Variants in BRD10 observed in about 807,000 individuals in gnomAD.
BRD10 encodes the protein uncharacterized bromodomain-containing protein 10.
the BRD10 span, chr9:5,988,544 G>C: frequency 3.1e-6 from 5 of 1,610,788 alleles, no homozygotes; most frequent in South Asian, 1.1e-5. Flanking sequence ...TCTCTCAAGT[G>C]CCTTGGAGAA....
chr9:5,903,062 C>A, the BRD10 span, among the ~76,000 whole-genome samples: 5 of 152,108 alleles, frequency 3.3e-5, no homozygotes, highest in South Asian at 4.1e-4. Context: ...TTAAATTTCT[C>A]CTGAGATTTC....
chr9:5,928,376 A>C, the BRD10 span, among the ~76,000 whole-genome samples: 2 of 152,122 alleles, frequency 1.3e-5, no homozygotes, highest in African/African-American at 4.8e-5. Flanking sequence ...GATTGCTTTA[A>C]AACATAAATC....
chr9:5,971,293 G>A, the BRD10 span, among the ~76,000 whole-genome samples: 1 of 152,110 alleles, frequency 6.6e-6, no homozygotes, highest in Non-Finnish European at 1.5e-5. Context: ...GAAGAAACTA[G>A]AAACCTCATA....
At chr9:5,949,981 C>G in the BRD10 span, among the ~76,000 whole-genome samples, 1 of 152,078 alleles carries the variant, frequency 6.6e-6, no homozygotes, top group Admixed American at 6.6e-5. Context: ...GATATAAAAG[C>G]TTAAATCACC....
At chr9:6,008,170 G>A in the BRD10 span, 2 of 974,050 alleles carry the variant, frequency 2.1e-6, no homozygotes, top group South Asian at 4.7e-5. Context: ...GCCAGCGGGG[G>A]GCTGGGAGGG....
the BRD10 span, among the ~76,000 whole-genome samples, chr9:5,938,274 C>G: frequency 3.3e-5 from 5 of 152,028 alleles, no homozygotes; most frequent in African/African-American, 9.7e-5. Context: ...GACCTTATCT[C>G]TTCCAAAAGA....
At chr9:5,976,123 G>T in the BRD10 span, among the ~76,000 whole-genome samples, 10 of 152,286 alleles carry the variant, frequency 6.6e-5, no homozygotes, top group African/African-American at 2.2e-4. Flanking sequence ...TGGGCTTGAA[G>T]TTCAGCTGGG....
chr9:5,920,088 A>G, the BRD10 span: 3 of 1,613,918 alleles, frequency 1.9e-6, no homozygotes, highest in Admixed American at 1.7e-5. Context: ...GCATTCCCAA[A>G]AGAGTTTATA....
At chr9:5,920,310 G>T in the BRD10 span, 4 of 1,613,940 alleles carry the variant, frequency 2.5e-6, no homozygotes, top group Non-Finnish European at 3.4e-6. Flanking sequence ...ACAATAAACC[G>T]GGTTCCGTTA....
chr9:5,957,564 G>C, the BRD10 span, among the ~76,000 whole-genome samples: 691 of 152,144 alleles, frequency 4.5e-3, 24 homozygotes, highest in Admixed American at 0.036. Flanking sequence ...GTGAAATTAG[G>C]TCTGTCTCAC....
the BRD10 span, chr9:5,944,932 C>T: frequency 6.5e-7 from 1 of 1,540,900 alleles, no homozygotes. Flanking sequence ...GATTAATTCC[C>T]TGAGTTCATC....
chr9:5,939,931 G>C, the BRD10 span, among the ~76,000 whole-genome samples: 1 of 152,154 alleles, frequency 6.6e-6, no homozygotes, highest in Non-Finnish European at 1.5e-5. Context: ...ATAACCACTG[G>C]CTTATACAGA....
the BRD10 span, among the ~76,000 whole-genome samples, chr9:5,993,709 T>C: frequency 6.6e-6 from 1 of 152,170 alleles, no homozygotes; most frequent in African/African-American, 2.4e-5. Flanking sequence ...GTCTGTCCTC[T>C]CTGTCCTCCT....
At chr9:5,963,555 C>T in the BRD10 span, among the ~76,000 whole-genome samples, 4 of 150,980 alleles carry the variant, frequency 2.6e-5, no homozygotes. Flanking sequence ...GAAAAAACTA[C>T]TTTAAAGTTC....
the BRD10 span, among the ~76,000 whole-genome samples, chr9:5,959,637 C>T: frequency 3.4e-4 from 52 of 152,046 alleles, no homozygotes; most frequent in African/African-American, 9.4e-4. Flanking sequence ...AAGTTTTCTC[C>T]GTAAGACACA....
At chr9:5,948,546 T>A in the BRD10 span, among the ~76,000 whole-genome samples, 1 of 151,746 alleles carries the variant, frequency 6.6e-6, no homozygotes, top group Non-Finnish European at 1.5e-5. Context: ...ACATAATAAA[T>A]CATTCCTTAC....
the BRD10 span, chr9:5,967,955 C>T: frequency 3.0e-6 from 3 of 1,001,502 alleles, no homozygotes; most frequent in East Asian, 5.2e-5. Flanking sequence ...ATCCATGATG[C>T]ATAATGGAAA....
chr9:5,978,392 TAAAA>T, the BRD10 span, among the ~76,000 whole-genome samples: 3 of 84,484 alleles, frequency 3.6e-5, no homozygotes, highest in South Asian at 3.4e-4. Flanking sequence ...TGCAATTTAG[TAAAA>T]AAAAAAAAAA....
the BRD10 span, among the ~76,000 whole-genome samples, chr9:5,973,731 A>G: frequency 6.6e-6 from 1 of 152,136 alleles, no homozygotes; most frequent in Non-Finnish European, 1.5e-5. Context: ...TCTTAAAAAA[A>G]ACGGGCCTGG....
Sources: allele counts gnomAD v4.1 joint callset (sites outside exome capture counted in the v4.1 genomes callset), GRCh38; gene constraint gnomAD v4.1.1; transcripts MANE v1.5; gene names NCBI Gene and HGNC (gene_info 2026-07-23, HGNC 2026-07-21).